The following CSF1R variants were observed in gnomAD, a reference collection of about 807,000 sequenced individuals.
CSF1R encodes the protein colony stimulating factor 1 receptor.
Under a neutral mutation model 110.0 loss-of-function variants are expected in CSF1R, and 40 were observed. The ratio of observed to expected loss-of-function variants is 0.36; its 90% CI spans 0.28 to 0.47. The LOEUF (loss-of-function observed/expected upper bound fraction) is 0.47, where lower values mean the gene tolerates loss of function less well. CSF1R is among the 20% of genes least tolerant of loss of function. The probability of loss-of-function intolerance (pLI) is 0.99; values close to 1 mark genes in which losing one functional copy is unlikely to be tolerated. For synonymous variants in CSF1R, 523 were observed against 503.4 expected, an observed-to-expected ratio of 1.04 and a Z score of -0.52; for missense variants, 1,052 against 1,253.0, an observed-to-expected ratio of 0.84 and a Z score of 2.42.
chr5:150,069,822 G>GGGGCGGGGGGC (rs1171921572), intron 9 of CSF1R, 51 bp downstream of exon 9: 12 of 1,260,520 alleles, frequency 9.5e-6, no homozygotes, highest in East Asian at 9.0e-5. Context: ...TAAAGGAGCA[G>GGGGCGGGGGGC]GGGCGGGGGG....
intron 1 of CSF1R, among the ~76,000 whole-genome samples, chr5:150,111,570 C>A (rs1759718012): frequency 6.6e-6 from 1 of 152,184 alleles, no homozygotes; most frequent in African/African-American, 2.4e-5. Context: ...AACACAGTAC[C>A]AGAAGGTCTG....
intron 1 of CSF1R, among the ~76,000 whole-genome samples, chr5:150,093,690 T>C (rs1257157429): frequency 5.3e-5 from 8 of 152,198 alleles, no homozygotes; most frequent in Admixed American, 4.6e-4. Flanking sequence ...TTTAAGGCAA[T>C]AGACATGCTA....
rs751114900 is a variant in CSF1R at position 150,069,833 on chromosome 5, C to T, written c.1510+40G>A. Reference sequence around the variant, plus strand: ...CGCCTAAAGGAGCAGGGGCGGGGGGCGGGCGGGGGGGCGGTGCGGGTGCGA... The same window carrying T: ...CGCCTAAAGGAGCAGGGGCGGGGGGTGGGCGGGGGGGCGGTGCGGGTGCGA... On this transcript the variant is annotated intron_variant, in intron 9 of 20. Transcript: ENST00000675795. The T allele has an allele frequency of 2.6e-5, 35 of 1,359,252 alleles. No homozygotes were observed. In the African/African-American group the frequency reaches 4.0e-4, roughly 16 times the overall value. The allele number at this position is 1,359,252 out of a possible 1,614,324, so 84.2% of individuals were successfully genotyped here.
At position 150,081,049 on chromosome 5, in the gene CSF1R, C is replaced by A. The variant is rs781682278; in HGVS notation, c.50-25G>T. The A allele has an allele frequency of 5.0e-6, 8 of 1,612,922 alleles. No homozygotes were observed. The South Asian group carries it at 8.8e-5, about 18-fold the overall frequency. On this transcript the variant is annotated intron_variant, in intron 1 of 20. Coordinates refer to ENST00000675795, the MANE Select transcript of CSF1R (RefSeq NM_001288705.3). ...CCTGGTGGGAGAGAGGGACAGCAGACAGAAGTGAGGTCTAGGATGCGCCCC... is the reference window on the plus strand; with the variant it reads ...CCTGGTGGGAGAGAGGGACAGCAGAAAGAAGTGAGGTCTAGGATGCGCCCC...
At chr5:150,077,979 C>T in intron 4 of CSF1R, 133 bp downstream of exon 4, 4 of 1,161,688 alleles carry the variant, frequency 3.4e-6, no homozygotes, top group Non-Finnish European at 5.0e-6. Context: ...GAGTCTGCAC[C>T]CCTCTCTGGA....
intron 1 of CSF1R, chr5:150,094,522 T>A: frequency 1.3e-6 from 2 of 1,599,878 alleles, no homozygotes; most frequent in East Asian, 4.5e-5. Flanking sequence ...ATGGCGAGGA[T>A]GGCAAGAAAA....
intron 5 of CSF1R, among the ~76,000 whole-genome samples, chr5:150,076,081 G>T (rs1225207631): frequency 6.6e-6 from 1 of 152,222 alleles, no homozygotes; most frequent in East Asian, 1.9e-4. Flanking sequence ...TGAGTCCAGT[G>T]ACTGCCACTG....
chr5:150,075,367 C>T (rs1483435304), intron 5 of CSF1R, among the ~76,000 whole-genome samples: 1 of 152,190 alleles, frequency 6.6e-6, no homozygotes, highest in Non-Finnish European at 1.5e-5. Flanking sequence ...CACCTTCCCA[C>T]TTTAGCTCTC....
chr5:150,056,554 C>A (rs567487706), intron 16 of CSF1R, among the ~76,000 whole-genome samples: 1 of 152,204 alleles, frequency 6.6e-6, no homozygotes, highest in East Asian at 1.9e-4. Flanking sequence ...GCTTAGAAAC[C>A]CCCATTACCC....
chr5:150,058,146 G>C (rs1055048999), intron 14 of CSF1R: 1 of 452,638 alleles, frequency 2.2e-6, no homozygotes, highest in African/African-American at 2.0e-5. Flanking sequence ...CTAGAGCAGT[G>C]CTGCTTACGC....
At chr5:150,085,528 C>T (rs1332023493) in intron 1 of CSF1R, among the ~76,000 whole-genome samples, 3 of 152,124 alleles carry the variant, frequency 2.0e-5, no homozygotes, top group Admixed American at 6.5e-5. Context: ...AGCCCCTCAC[C>T]TCTAGTCATG....
At chr5:150,056,983 C>T (rs191045414) in intron 16 of CSF1R, among the ~76,000 whole-genome samples, 6 of 152,266 alleles carry the variant, frequency 3.9e-5, no homozygotes, top group Non-Finnish European at 5.9e-5. Context: ...CACCAGACCG[C>T]GTGCTTTATG....
rs1432099970 is a variant in CSF1R at position 150,080,316 on chromosome 5, C to T, written c.328G>A (p.Val110Met). The T allele has an allele frequency of 4.3e-6, 7 of 1,613,530 alleles. No individual in the cohort carries two copies. The highest frequency in any genetic ancestry group is 1.1e-5 in the South Asian group (1 of 91,074). ...YVKDPARPWN[V>M]LAQEVVVFED... ...AACACGACCACCTCCTGTGCTAGCACGTTCCAGGGCCGGGCAGGGTCTAGA... is the reference window on the plus strand; with the variant it reads ...AACACGACCACCTCCTGTGCTAGCATGTTCCAGGGCCGGGCAGGGTCTAGA... The change falls in exon 3 of 21, where the codon GTG becomes ATG. Residue 110 changes from valine to methionine, a missense_variant. This residue lies in a region of CSF1R where 693 missense variants were observed against 735.4 expected (regional missense o/e 0.94). Coordinates refer to ENST00000675795, the MANE Select transcript of CSF1R (RefSeq NM_001288705.3).
chr5:150,094,319 G>A, intron 1 of CSF1R: 1 of 1,596,638 alleles, frequency 6.3e-7, no homozygotes, highest in Non-Finnish European at 8.5e-7. Context: ...GTGTAGAAGA[G>A]AAGAAGAAGG....
upstream of CSF1R, among the ~76,000 whole-genome samples, chr5:150,091,108 GATC>G (rs952904765): frequency 5.9e-5 from 9 of 152,202 alleles, no homozygotes; most frequent in Middle Eastern, 3.4e-3. Flanking sequence ...TATCTACTAG[GATC>G]ATCATAATAA....
At chr5:150,083,397 C>T (rs1758648432) in intron 1 of CSF1R, among the ~76,000 whole-genome samples, 1 of 144,818 alleles carries the variant, frequency 6.9e-6, no homozygotes. Context: ...CACACACACA[C>T]ACACTGCACA....
chr5:150,081,270 C>A (rs997860805), intron 1 of CSF1R, among the ~76,000 whole-genome samples: 3 of 152,160 alleles, frequency 2.0e-5, no homozygotes, highest in South Asian at 2.1e-4. Context: ...GCTTGCTCAG[C>A]CTCTCACCCA....
chr5:150,072,292 G>A (rs189271334), intron 6 of CSF1R, among the ~76,000 whole-genome samples: 3 of 152,096 alleles, frequency 2.0e-5, no homozygotes, highest in Admixed American at 6.5e-5. Flanking sequence ...TCAGGAGTTC[G>A]AGACCAGCCT....
chr5:150,077,616 T>G (rs982799826), intron 4 of CSF1R, among the ~76,000 whole-genome samples, 181 bp from the exon 5 acceptor site: 2 of 152,008 alleles, frequency 1.3e-5, no homozygotes, highest in Non-Finnish European at 2.9e-5. Flanking sequence ...GTAAATGAGA[T>G]ATGCATGCAA....
Sources: gnomAD v4.1 joint callset for allele counts (sites outside exome capture counted in the v4.1 genomes callset) on GRCh38, gnomAD v4.1.1 for gene constraint, gnomAD v4.1.1 regional missense constraint, MANE v1.5 for transcripts, NCBI Gene and HGNC (gene_info 2026-07-23, HGNC 2026-07-21) for gene names.